BACH2: variants seen among roughly 807,000 people sequenced by gnomAD.
BACH2 encodes the protein transcription regulator protein BACH2.
Under a neutral mutation model 61.8 loss-of-function variants are expected in BACH2, and 5 were observed. The observed-to-expected ratio is 0.08, with a 90% CI of 0.04 to 0.17. The LOEUF is 0.17. BACH2 is among the 10% of genes least tolerant of loss of function. BACH2 has a pLI of 1.00. For synonymous variants in BACH2, 446 were observed against 440.1 expected (o/e 1.01, Z -0.17); for missense variants, 824 against 1,091.1 (o/e 0.76, Z 3.45).
At chr6:90,079,031 C>G (rs1781599685) in intron 5 of BACH2, among the ~76,000 whole-genome samples, 1 of 152,186 alleles carries the variant, frequency 6.6e-6, no homozygotes, top group African/African-American at 2.4e-5. Context: ...AATGCCACAA[C>G]CACTCAGTCA....
Position 89,950,577 on chromosome 6 carries a change from G to A in BACH2, c.1529C>T (p.Ser510Leu). The change falls in exon 7 of 9, where the codon TCA becomes TTA. Residue 510 changes from serine to leucine, a missense_variant. Transcript: ENST00000257749. This position sits in a 1 kb window ranked among gnomAD's most constrained non-coding sequence, Gnocchi z 5.3. ...CPVPIKVCPR[S>L]PPLETRTRTS... ...CCTGGTCCTGGTCTCCAAGGGGGGT[G>A]AGCGAGGGCAGACTTTGATTGGTAC... 6.2e-7 allele frequency: 1 copy of A among 1,611,516 alleles called. No individual in the cohort carries two copies. Among genetic ancestry groups the A allele is most frequent in the Non-Finnish European group, 8.5e-7 (1 of 1,178,228 alleles).
chr6:89,999,764 A>G (rs1777036548), intron 6 of BACH2, among the ~76,000 whole-genome samples: 1 of 152,230 alleles, frequency 6.6e-6, no homozygotes, highest in Admixed American at 6.5e-5. Flanking sequence ...GAGGAGTTTA[A>G]AAATGAATAG....
At chr6:89,980,613 G>A (rs1015590606) in intron 6 of BACH2, among the ~76,000 whole-genome samples, 4 of 152,176 alleles carry the variant, frequency 2.6e-5, no homozygotes, top group Admixed American at 6.5e-5. Flanking sequence ...GAAGGGCTAG[G>A]TGTGGTTTTT....
intron 1 of BACH2, among the ~76,000 whole-genome samples, chr6:90,285,372 C>T (rs998541156): frequency 6.6e-6 from 1 of 152,186 alleles, no homozygotes; most frequent in African/African-American, 2.4e-5. Flanking sequence ...CACTGCTTTG[C>T]ACTGAGGGAG....
At chr6:90,046,255 T>C (rs1275159548) in intron 5 of BACH2, among the ~76,000 whole-genome samples, 1 of 152,186 alleles carries the variant, frequency 6.6e-6, no homozygotes, top group Non-Finnish European at 1.5e-5. Context: ...CATTTAAGCA[T>C]CTAAGAAACA....
chr6:90,217,876 A>G (rs1308437657), intron 3 of BACH2: 2 of 152,166 alleles, frequency 1.3e-5, no homozygotes, highest in African/African-American at 2.4e-5. Flanking sequence ...AAAGGAAAAT[A>G]AATACTGTGG....
intron 3 of BACH2, among the ~76,000 whole-genome samples, chr6:90,224,419 G>A (rs1028724669): frequency 1.3e-5 from 2 of 152,140 alleles, no homozygotes; most frequent in African/African-American, 4.8e-5. Flanking sequence ...GTGACAAGAG[G>A]AATTTGCCTG....
intron 4 of BACH2, among the ~76,000 whole-genome samples, chr6:90,139,019 T>C (rs746755936): frequency 6.6e-6 from 1 of 152,304 alleles, no homozygotes; most frequent in Non-Finnish European, 1.5e-5. Flanking sequence ...CCTCATCATC[T>C]TCCCGTACAC....
At chr6:89,934,088 G>A (rs999025559) in intron 8 of BACH2, among the ~76,000 whole-genome samples, 1 of 152,182 alleles carries the variant, frequency 6.6e-6, no homozygotes, top group African/African-American at 2.4e-5. Context: ...CCCAGTATCA[G>A]CAGGCTCTCT....
At chr6:89,953,719 G>A (rs942983518) in intron 6 of BACH2, among the ~76,000 whole-genome samples, 1 of 152,146 alleles carries the variant, frequency 6.6e-6, no homozygotes, top group Non-Finnish European at 1.5e-5. Flanking sequence ...GTCAAACTGT[G>A]TCCTAACATA....
At chr6:90,282,206 T>G (rs1047507552) in intron 1 of BACH2, among the ~76,000 whole-genome samples, 2 of 152,224 alleles carry the variant, frequency 1.3e-5, no homozygotes, top group African/African-American at 4.8e-5. Context: ...ACTGGTTTGT[T>G]ACACAGGTAA....
chr6:90,239,900 T>C (rs1770387822), intron 3 of BACH2, among the ~76,000 whole-genome samples: 1 of 149,562 alleles, frequency 6.7e-6, no homozygotes, highest in South Asian at 2.1e-4. Context: ...TAAAACCACA[T>C]ACAAGAATTA....
intron 4 of BACH2, among the ~76,000 whole-genome samples, chr6:90,189,337 G>A (rs1461499320): frequency 1.3e-5 from 2 of 151,068 alleles, no homozygotes; most frequent in African/African-American, 2.4e-5. Flanking sequence ...GGCCGGGCGC[G>A]GTGGCTCACG....
At chr6:90,039,558 G>C (rs1779426713) in intron 5 of BACH2, among the ~76,000 whole-genome samples, 1 of 152,114 alleles carries the variant, frequency 6.6e-6, no homozygotes, top group Non-Finnish European at 1.5e-5. Context: ...CTAATTTTTT[G>C]TATTTTCAGT....
chr6:90,136,470 T>C (rs1302424081), intron 4 of BACH2, among the ~76,000 whole-genome samples: 1 of 152,236 alleles, frequency 6.6e-6, no homozygotes, highest in East Asian at 1.9e-4. Flanking sequence ...TTACCTCATA[T>C]GTTTATTTTG....
At chr6:90,196,064 A>G (rs1027970736) in intron 4 of BACH2, among the ~76,000 whole-genome samples, 1 of 152,182 alleles carries the variant, frequency 6.6e-6, no homozygotes, top group Non-Finnish European at 1.5e-5. Context: ...TAACTTGCCC[A>G]AGATCATGAA....
intron 6 of BACH2, among the ~76,000 whole-genome samples, chr6:89,981,971 TTC>T (rs1189068756): frequency 6.6e-6 from 1 of 151,878 alleles, no homozygotes; most frequent in Non-Finnish European, 1.5e-5. Flanking sequence ...TGCTAGAGAT[TTC>T]TTTCTTTTTT....
At chr6:90,068,776 C>G (rs1255335884) in intron 5 of BACH2, among the ~76,000 whole-genome samples, 1 of 151,898 alleles carries the variant, frequency 6.6e-6, no homozygotes, top group East Asian at 1.9e-4. Context: ...AGAAATTCAA[C>G]ATGTTCTAAG....
chr6:89,990,693 T>A (rs998356020), intron 6 of BACH2, among the ~76,000 whole-genome samples: 1 of 151,830 alleles, frequency 6.6e-6, no homozygotes, highest in African/African-American at 2.4e-5. Flanking sequence ...CTGAGCCCTG[T>A]CCTAACTACT....
Sources: gnomAD v4.1 joint callset for allele counts (sites outside exome capture counted in the v4.1 genomes callset) on GRCh38, gnomAD v4.1.1 for gene constraint, Gnocchi (gnomAD v3.1) non-coding constraint, MANE v1.5 for transcripts, NCBI Gene and HGNC (gene_info 2026-07-23, HGNC 2026-07-21) for gene names.